The following GALNT11 variants were observed in gnomAD, a reference collection of about 807,000 sequenced individuals.
GALNT11 encodes the protein UDP-GalNAc:polypeptide N-acetylgalactosaminyltransferase 11.
In GALNT11, 47 loss-of-function variants were observed where a neutral mutation model predicts 72.7. The ratio of observed to expected loss-of-function variants is 0.65; its 90% CI spans 0.51 to 0.82. GALNT11 has a LOEUF of 0.82. Among genes scored for constraint, GALNT11 ranks in the 40% least tolerant of loss-of-function variants. The probability of loss-of-function intolerance (pLI) is 0.00; values close to 1 mark genes in which losing one functional copy is unlikely to be tolerated. For synonymous variants in GALNT11, 270 were observed against 286.6 expected (o/e 0.94, Z 0.58); for missense variants, 677 against 778.4 (o/e 0.87, Z 1.55).
At chr7:152,028,391 C>T (rs1276598477) in intron 1 of GALNT11, among the ~76,000 whole-genome samples, 3 of 152,138 alleles carry the variant, frequency 2.0e-5, no homozygotes, top group Non-Finnish European at 2.9e-5. Context: ...AGACACAGAG[C>T]GCTGATTGGT....
At chr7:152,111,281 A>G (rs1483616005) in intron 7 of GALNT11, among the ~76,000 whole-genome samples, 1 of 151,990 alleles carries the variant, frequency 6.6e-6, no homozygotes, top group Non-Finnish European at 1.5e-5. Flanking sequence ...CAGCCTCCTA[A>G]GTAGCTGGGA....
At chr7:152,030,534 A>T (rs1479194475) in intron 1 of GALNT11, among the ~76,000 whole-genome samples, 1 of 152,170 alleles carries the variant, frequency 6.6e-6, no homozygotes. Context: ...TATATATTTT[A>T]TACTGGAACA....
chr7:152,085,138 T>C (rs1452609660), intron 1 of GALNT11, among the ~76,000 whole-genome samples: 3 of 152,184 alleles, frequency 2.0e-5, no homozygotes, highest in Non-Finnish European at 4.4e-5. Flanking sequence ...AAATCTGTGA[T>C]TTGTCATAAT....
At chr7:152,039,195 A>T (rs983936698) in intron 1 of GALNT11, among the ~76,000 whole-genome samples, 13 of 152,210 alleles carry the variant, frequency 8.5e-5, no homozygotes, top group African/African-American at 2.9e-4. Flanking sequence ...GGACCAATCA[A>T]TTCCATAGGA....
In GALNT11 at chr7:152,122,278, TAATTATAA is replaced by T. The variant is rs1487397013; in HGVS notation, c.*608_*615del. 1 of 152,250 alleles carries T rather than the reference TAATTATAA, an allele frequency of 6.6e-6. No homozygotes were observed. The highest frequency in any genetic ancestry group is 1.5e-5 in the Non-Finnish European group (1 of 68,046). The allele number at this position is 152,250 out of a possible 1,614,324, so 9.4% of individuals were successfully genotyped here. ...ATCATTTATAAGACAGTATGGCAGT[TAATTATAA>T]AATTATTTTGATGAATTATGATACA... On this transcript the variant is annotated 3_prime_UTR_variant, in exon 12 of 12. Transcript: ENST00000430044.
At chr7:152,030,460 T>G (rs898898841) in intron 1 of GALNT11, among the ~76,000 whole-genome samples, 3 of 152,238 alleles carry the variant, frequency 2.0e-5, no homozygotes, top group Non-Finnish European at 2.9e-5. Flanking sequence ...TGCTACAAAC[T>G]AATGATTAAT....
intron 1 of GALNT11, among the ~76,000 whole-genome samples, chr7:152,075,802 A>G (rs1170806059): frequency 6.6e-6 from 1 of 151,658 alleles, no homozygotes; most frequent in Non-Finnish European, 1.5e-5. Flanking sequence ...GTCTCAAAAA[A>G]AAAAAAAAAG....
Position 152,121,826 on chromosome 7 carries a change from G to A in GALNT11, c.*149G>A. On this transcript the variant is annotated 3_prime_UTR_variant, in exon 12 of 12. Coordinates refer to ENST00000430044, the MANE Select transcript of GALNT11 (RefSeq NM_022087.4). ...CTCCCGGAGATGCCTGGGTGTGTTA[G>A]CAGAGGTGACACGTGTCTGACAGAG... is the stretch of plus-strand genomic sequence containing the variant. The A allele has an allele frequency of 1.0e-6, 1 of 976,760 alleles. No homozygotes were observed. The highest frequency in any genetic ancestry group is 1.5e-6 in the Non-Finnish European group (1 of 677,990). The allele number at this position is 976,760 out of a possible 1,614,324, so 60.5% of individuals were successfully genotyped here.
intron 1 of GALNT11, among the ~76,000 whole-genome samples, chr7:152,082,170 A>G (rs756514747): frequency 2.0e-5 from 3 of 152,246 alleles, no homozygotes; most frequent in African/African-American, 7.2e-5. Flanking sequence ...ATGAACCTGC[A>G]TAGAAGGTAT....
chr7:152,032,420 G>A (rs1165319877), intron 1 of GALNT11, among the ~76,000 whole-genome samples: 2 of 151,018 alleles, frequency 1.3e-5, no homozygotes, highest in Middle Eastern at 3.4e-3. Context: ...AGAGAGCAGG[G>A]TATAGGGGTT....
intron 1 of GALNT11, among the ~76,000 whole-genome samples, chr7:152,037,667 G>A (rs998634101): frequency 1.3e-5 from 2 of 151,946 alleles, no homozygotes; most frequent in African/African-American, 4.8e-5. Flanking sequence ...GGATTGCATC[G>A]AATCTGTAGG....
chr7:152,038,279 T>G (rs539243500), intron 1 of GALNT11, among the ~76,000 whole-genome samples: 1 of 152,274 alleles, frequency 6.6e-6, no homozygotes, highest in South Asian at 2.1e-4. Context: ...CCCACATATT[T>G]ATTGACAGCA....
intron 10 of GALNT11, 60 bp from the exon 11 acceptor site, chr7:152,120,771 C>CA (rs143188769): frequency 0.018 from 24,510 of 1,386,976 alleles, 289 homozygotes; most frequent in Non-Finnish European, 0.022. Flanking sequence ...GAAGAATATG[C>CA]AAAGTGTTGT....
Position 152,105,166 on chromosome 7 carries a change from G to T in GALNT11, c.587-79G>T. On this transcript the variant is annotated intron_variant, in intron 4 of 11. Coordinates refer to ENST00000430044, the MANE Select transcript of GALNT11 (RefSeq NM_022087.4). Reference sequence around the variant, plus strand: ...TTGTTGTAAATTTTAGCAAGTACTAGATACAACTTTAGAATAGCTGTAAAG... The same window carrying T: ...TTGTTGTAAATTTTAGCAAGTACTATATACAACTTTAGAATAGCTGTAAAG... 3 of 1,468,074 alleles carry T rather than the reference G, an allele frequency of 2.0e-6. No individual in the cohort carries two copies. The South Asian group carries it at 4.2e-5, about 21-fold the overall frequency. 90.9% of individuals were successfully genotyped at this position (1,468,074 alleles called of 1,614,324 possible). A position where few individuals can be genotyped will look rare whatever the true frequency, so the allele number is the denominator to read the frequency against.
chr7:152,079,307 G>T (rs1014793857), intron 1 of GALNT11: 5 of 152,184 alleles, frequency 3.3e-5, no homozygotes, highest in African/African-American at 9.7e-5. Context: ...AGCGAGAGCT[G>T]CTACTTTTTA....
chr7:152,073,565 C>T (rs1037662149), intron 1 of GALNT11, among the ~76,000 whole-genome samples: 1 of 152,200 alleles, frequency 6.6e-6, no homozygotes, highest in Non-Finnish European at 1.5e-5. Context: ...CAGATTCATT[C>T]CGTATCTTGG....
rs1279123396 is a variant in GALNT11 at position 152,100,988 on chromosome 7, GTCACGAGGACGGGGT to G, written c.419+71_419+85del. The G allele has an allele frequency of 4.4e-6, 7 of 1,579,512 alleles. No individual in the cohort carries two copies. The African/African-American group carries it at 9.5e-5, about 21-fold the overall frequency. On this transcript the variant is annotated intron_variant, in intron 3 of 11. Coordinates refer to ENST00000430044, the MANE Select transcript of GALNT11 (RefSeq NM_022087.4). ...GATGCTTTTAGTGTCAGTGTAAGAG[GTCACGAGGACGGGGT>G]TCATATTTCCCAATGCAGCGTCTTT...
At position 152,094,323 on chromosome 7, in the gene GALNT11, A is replaced by G. The variant is rs2086236193; in HGVS notation, c.96A>G (p.Glu32=). 1.2e-6 allele frequency: 2 copies of G among 1,614,026 alleles called. No homozygotes were observed. The highest frequency in any genetic ancestry group is 1.7e-6 in the Non-Finnish European group (2 of 1,180,038). ...VLLFVYFNFS[E]VTQPLKNVPV... is the part of the protein sequence containing the mutation. Reference sequence around the variant, plus strand: ...TTTTTGTTTATTTCAACTTCAGTGAAGTGACTCAGCCACTTAAGAATGTGC... The same window carrying G: ...TTTTTGTTTATTTCAACTTCAGTGAGGTGACTCAGCCACTTAAGAATGTGC... Residue 32 remains glutamate, a synonymous_variant, in exon 2 of 12, where the codon GAA becomes GAG. Transcript: ENST00000430044. The surrounding 1 kb of genome is among the most constrained non-coding windows in gnomAD (Gnocchi z 4.3).
At chr7:152,051,332 G>T (rs2083395737) in intron 1 of GALNT11, among the ~76,000 whole-genome samples, 1 of 146,620 alleles carries the variant, frequency 6.8e-6, no homozygotes, top group South Asian at 2.3e-4. Flanking sequence ...TAAAGAAATT[G>T]GGTTATTTGT....
Sources: gnomAD v4.1 joint callset for allele counts (sites outside exome capture counted in the v4.1 genomes callset) on GRCh38, gnomAD v4.1.1 for gene constraint, Gnocchi (gnomAD v3.1) non-coding constraint, MANE v1.5 for transcripts, NCBI Gene and HGNC (gene_info 2026-07-23, HGNC 2026-07-21) for gene names.